ROBO2: variants seen among roughly 807,000 people sequenced by gnomAD.
The protein encoded by ROBO2 is roundabout homolog 2.
ROBO2 carries 53 observed loss-of-function variants against 160.8 expected under a neutral mutation model. The observed-to-expected ratio is 0.33, with a 90% CI of 0.26 to 0.41. The LOEUF (loss-of-function observed/expected upper bound fraction) is 0.41. ROBO2 is among the 10% of genes least tolerant of loss of function. The probability of loss-of-function intolerance (pLI) is 1.00; values close to 1 mark genes in which losing one functional copy is unlikely to be tolerated. For missense variants in ROBO2, 1,577 were observed against 1,722.4 expected (o/e 0.92, Z 1.49); for synonymous variants, 664 against 611.7 (o/e 1.09, Z -1.26).
intron 2 of ROBO2, among the ~76,000 whole-genome samples, chr3:76,685,722 G>C (rs2092671401): frequency 6.6e-6 from 1 of 152,078 alleles, no homozygotes; most frequent in Admixed American, 6.6e-5. Flanking sequence ...AAAATAGAAG[G>C]TTCATACACA....
chr3:76,567,795 GTGTA>G (rs1474362952), intron 2 of ROBO2, among the ~76,000 whole-genome samples: 1 of 79,042 alleles, frequency 1.3e-5, no homozygotes, highest in African/African-American at 5.1e-5. Flanking sequence ...GTGTGTGTGT[GTGTA>G]TATATATATT....
chr3:76,147,928 A>G (rs918514870), intron 2 of ROBO2, among the ~76,000 whole-genome samples: 1 of 151,966 alleles, frequency 6.6e-6, no homozygotes, highest in African/African-American at 2.4e-5. Flanking sequence ...AAAACTTAAC[A>G]TTTCATAATG....
chr3:77,539,340 G>GTGTAGCA (rs1444637444), intron 6 of ROBO2, among the ~76,000 whole-genome samples: 1 of 152,130 alleles, frequency 6.6e-6, no homozygotes, highest in African/African-American at 2.4e-5. Flanking sequence ...TTTCAACGTT[G>GTGTAGCA]TGTAGCAGCA....
At chr3:76,217,476 G>T (rs368196050) in intron 2 of ROBO2, among the ~76,000 whole-genome samples, 1 of 152,090 alleles carries the variant, frequency 6.6e-6, no homozygotes, top group African/African-American at 2.4e-5. Flanking sequence ...AATGACAAAG[G>T]TGATATCACC....
intron 2 of ROBO2, among the ~76,000 whole-genome samples, chr3:76,702,879 G>A (rs1004945424): frequency 1.6e-4 from 24 of 152,058 alleles, no homozygotes; most frequent in Admixed American, 9.2e-4. Context: ...CTATTGAAAC[G>A]CTAATTAGCT....
chr3:77,426,168 G>A (rs997799398), intron 2 of ROBO2, among the ~76,000 whole-genome samples: 6 of 152,152 alleles, frequency 3.9e-5, no homozygotes, highest in Non-Finnish European at 8.8e-5. Flanking sequence ...TAGGGTGATG[G>A]CAGTGGAAAT....
chr3:76,431,362 TA>T (rs1275578430), intron 2 of ROBO2, among the ~76,000 whole-genome samples: 1 of 152,114 alleles, frequency 6.6e-6, no homozygotes, highest in Non-Finnish European at 1.5e-5. Context: ...AAAGTAGCCT[TA>T]TAATATTAAG....
chr3:77,072,056 G>A (rs1179845771), intron 1 of ROBO2, among the ~76,000 whole-genome samples: 2 of 152,014 alleles, frequency 1.3e-5, no homozygotes, highest in African/African-American at 2.4e-5. Context: ...CCCCTCGTTC[G>A]CATTACCACC....
intron 2 of ROBO2, among the ~76,000 whole-genome samples, chr3:76,526,893 T>C (rs999205140): frequency 2.0e-5 from 3 of 152,102 alleles, no homozygotes; most frequent in African/African-American, 7.2e-5. Flanking sequence ...GGCCTTGCAA[T>C]CAGTGATTTT....
chr3:76,746,953 C>G (rs930018932), intron 2 of ROBO2, among the ~76,000 whole-genome samples: 1 of 152,036 alleles, frequency 6.6e-6, no homozygotes, highest in African/African-American at 2.4e-5. Context: ...GCGTCCAGGT[C>G]CATCCATGTC....
rs547310302 is a variant in ROBO2, at chr3:76,977,193, A to C, written c.110-120821A>C. Reference sequence around the variant, plus strand: ...CCCTGTGTGGCTCAATAATGTTGGCAGCTCATGATATAAACATTATGTTTC... The same window carrying C: ...CCCTGTGTGGCTCAATAATGTTGGCCGCTCATGATATAAACATTATGTTTC... On this transcript the variant is annotated intron_variant, in intron 2 of 26. Transcript: ENST00000487694. Among the ~76,000 whole-genome samples the C allele has an allele frequency of 2.6e-5, 4 of 152,310 alleles. No homozygotes were observed. The South Asian group carries it at 8.3e-4, about 32-fold the overall frequency.
chr3:76,721,225 CAA>C (rs1168698398), intron 2 of ROBO2, among the ~76,000 whole-genome samples: 1 of 152,038 alleles, frequency 6.6e-6, no homozygotes, highest in African/African-American at 2.4e-5. Context: ...AAAATTTTTA[CAA>C]AGTTTCCTAA....
chr3:77,285,414 T>C (rs1005773311), intron 2 of ROBO2, among the ~76,000 whole-genome samples: 17 of 152,202 alleles, frequency 1.1e-4, no homozygotes, highest in African/African-American at 3.4e-4. Context: ...CTATACAATC[T>C]ATTTACCTCG....
Position 77,238,221 on chromosome 3 carries a change from TTTTTA to T in ROBO2, c.388+139887_388+139891del, listed in dbSNP as rs1270200890. ...TAGACATCTATCATGTAGCATATAG[TTTTTA>T]TTTTAACAAAGTCCATTTTATCAAT... On this transcript the variant is annotated intron_variant, in intron 2 of 25. Transcript: ENST00000461745. Among the ~76,000 whole-genome samples, 4 of 152,322 alleles carry T rather than the reference TTTTTA, an allele frequency of 2.6e-5. No individual in the cohort carries two copies. In the East Asian group the frequency reaches 5.8e-4, roughly 22 times the overall value.
At chr3:76,066,347 G>A (rs992578865) in intron 2 of ROBO2, among the ~76,000 whole-genome samples, 1 of 151,898 alleles carries the variant, frequency 6.6e-6, no homozygotes, top group Non-Finnish European at 1.5e-5. Context: ...ACTTAGAATG[G>A]ATAATGCAAA....
At chr3:75,998,535 A>C (rs2065793308) in intron 2 of ROBO2, among the ~76,000 whole-genome samples, 3 of 152,364 alleles carry the variant, frequency 2.0e-5, no homozygotes, top group East Asian at 3.9e-4. Context: ...TATGGCCTGC[A>C]AAGCTAAGAT....
chr3:76,327,206 A>G (rs1225958354), intron 2 of ROBO2, among the ~76,000 whole-genome samples: 1 of 152,124 alleles, frequency 6.6e-6, no homozygotes, highest in Non-Finnish European at 1.5e-5. Flanking sequence ...TGCTTTCAAT[A>G]GTTTAGAAAA....
intron 8 of ROBO2, among the ~76,000 whole-genome samples, chr3:77,552,470 G>A (rs915018424): frequency 1.1e-4 from 16 of 151,992 alleles, no homozygotes; most frequent in African/African-American, 2.9e-4. Flanking sequence ...TCAGAATTAC[G>A]TCTGATACAA....
intron 2 of ROBO2, among the ~76,000 whole-genome samples, chr3:77,343,505 T>A (rs1327460917): frequency 6.6e-6 from 1 of 152,172 alleles, no homozygotes; most frequent in Admixed American, 6.6e-5. Context: ...TGAACCCACT[T>A]ATTTACGTAT....
Sources: allele counts gnomAD v4.1 joint callset (sites outside exome capture counted in the v4.1 genomes callset), GRCh38; gene constraint gnomAD v4.1.1; transcripts MANE v1.5; gene names NCBI Gene and HGNC (gene_info 2026-07-23, HGNC 2026-07-21).